STAG1: variants seen among roughly 807,000 people sequenced by gnomAD.
STAG1 encodes the protein cohesin subunit SA-1.
Under a neutral mutation model 170.9 loss-of-function variants are expected in STAG1, and 26 were observed. The ratio of observed to expected loss-of-function variants is 0.15; its 90% CI spans 0.11 to 0.21. The LOEUF is 0.21. STAG1 is among the 10% of genes least tolerant of loss of function. The pLI is 1.00. For missense variants in STAG1, 964 were observed against 1,509.5 expected (o/e 0.64, Z 5.99); for synonymous variants, 514 against 497.7 (o/e 1.03, Z -0.44).
intron 22 of STAG1, among the ~76,000 whole-genome samples, chr3:136,397,029 T>G (rs1241161139): frequency 6.6e-6 from 1 of 152,178 alleles, no homozygotes; most frequent in Non-Finnish European, 1.5e-5. Context: ...GAAAAAAAAT[T>G]CTTACTCTGA....
intron 7 of STAG1, among the ~76,000 whole-genome samples, chr3:136,515,104 C>T (rs111350455): frequency 5.3e-5 from 8 of 152,130 alleles, no homozygotes; most frequent in East Asian, 1.9e-4. Flanking sequence ...GTTGCTCAGG[C>T]CTGTAATCTC....
intron 14 of STAG1, among the ~76,000 whole-genome samples, chr3:136,449,657 A>C (rs1372034792): frequency 6.6e-6 from 1 of 152,172 alleles, no homozygotes; most frequent in Non-Finnish European, 1.5e-5. Context: ...CAAACACAGG[A>C]ATACAGTAAG....
In STAG1 at chr3:136,473,528, T is replaced by A; in HGVS notation, c.1125+11A>T. ...GAAAAATTAAATAAGCTTATCATTC[T>A]TGATGCTTACCTTGAATCGGTTAGT... On this transcript the variant is annotated intron_variant, in intron 11 of 33. Coordinates refer to ENST00000383202, the MANE Select transcript of STAG1 (RefSeq NM_005862.3). 6.3e-7 allele frequency: 1 copy of A among 1,576,802 alleles called. No individual in the cohort carries two copies. The highest frequency in any genetic ancestry group is 2.2e-5 in the East Asian group (1 of 44,566).
At chr3:136,485,769 G>A (rs911917017) in intron 9 of STAG1, among the ~76,000 whole-genome samples, 1 of 152,090 alleles carries the variant, frequency 6.6e-6, no homozygotes, top group Non-Finnish European at 1.5e-5. Flanking sequence ...ATATTATCCT[G>A]TAGGCCTCCT....
intron 16 of STAG1, among the ~76,000 whole-genome samples, chr3:136,432,289 A>G (rs1399100277): frequency 6.6e-6 from 1 of 152,034 alleles, no homozygotes; most frequent in Non-Finnish European, 1.5e-5. Context: ...TCTTGTTTTC[A>G]TATTTTCCTG....
chr3:136,665,548 G>A (rs1172614791), intron 1 of STAG1, among the ~76,000 whole-genome samples: 4 of 152,132 alleles, frequency 2.6e-5, no homozygotes, highest in Admixed American at 2.0e-4. Flanking sequence ...GGGAGGACGA[G>A]ACAGGCAGAT....
intron 21 of STAG1, among the ~76,000 whole-genome samples, chr3:136,416,604 G>C (rs1440039666): frequency 6.6e-6 from 1 of 152,154 alleles, no homozygotes; most frequent in Non-Finnish European, 1.5e-5. Context: ...TAGAAGCATG[G>C]CTTGAAAATA....
chr3:136,641,262 T>C (rs1186729138), intron 1 of STAG1, among the ~76,000 whole-genome samples: 1 of 152,194 alleles, frequency 6.6e-6, no homozygotes, highest in African/African-American at 2.4e-5. Context: ...GAATCAATAA[T>C]GAATACTAAT....
rs1167010949 is a variant in STAG1, at chr3:136,422,866, A to G, written c.1744-9T>C. 7 of 1,600,038 alleles carry G rather than the reference A, an allele frequency of 4.4e-6. No homozygotes were observed. Among genetic ancestry groups the G allele is most frequent in the Non-Finnish European group, 5.1e-6 (6 of 1,175,360 alleles). On this transcript the variant is annotated splice_polypyrimidine_tract_variant and intron_variant, in intron 17 of 33. Transcript: ENST00000383202. ...TCTGCATCTGCAGAATACTAGAAGG[A>G]GAAGCAAAGAAAAAGACAGTAACTA...
intron 1 of STAG1, chr3:136,737,137 A>T (rs1934386496): frequency 1.4e-5 from 11 of 801,200 alleles, no homozygotes; most frequent in Non-Finnish European, 2.5e-5. Flanking sequence ...GTTAGAACCA[A>T]GTCTCTCTTC....
intron 16 of STAG1, among the ~76,000 whole-genome samples, chr3:136,424,242 T>C (rs749487390): frequency 3.9e-5 from 6 of 152,054 alleles, no homozygotes; most frequent in East Asian, 3.9e-4. Context: ...ATTCAATACA[T>C]TGAAAAGTCT....
intron 6 of STAG1, among the ~76,000 whole-genome samples, chr3:136,524,593 C>T (rs1378928758): frequency 6.6e-6 from 1 of 152,148 alleles, no homozygotes; most frequent in Non-Finnish European, 1.5e-5. Context: ...TTATTTCTTT[C>T]TCCTGCCTGA....
At chr3:136,593,804 T>A (rs553936040) in intron 4 of STAG1, among the ~76,000 whole-genome samples, 1 of 152,228 alleles carries the variant, frequency 6.6e-6, no homozygotes, top group African/African-American at 2.4e-5. Flanking sequence ...TCTTGTATTA[T>A]ACACTCAAGT....
intron 4 of STAG1, among the ~76,000 whole-genome samples, chr3:136,571,258 GA>G (rs1937257594): frequency 6.6e-6 from 1 of 150,628 alleles, no homozygotes. Flanking sequence ...TGGTGCACAG[GA>G]ACCTGCATCA....
intron 1 of STAG1, among the ~76,000 whole-genome samples, chr3:136,711,209 A>G (rs950109475): frequency 6.6e-6 from 1 of 152,174 alleles, no homozygotes; most frequent in African/African-American, 2.4e-5. Flanking sequence ...CAACAGTATA[A>G]TCCCAACCAA....
At chr3:136,528,358 T>C (rs1935177650) in intron 6 of STAG1, among the ~76,000 whole-genome samples, 1 of 152,036 alleles carries the variant, frequency 6.6e-6, no homozygotes, top group Admixed American at 6.6e-5. Flanking sequence ...TGAGGCTCCG[T>C]GGGCATGGGA....
At chr3:136,469,877 A>G (rs1162752355) in intron 12 of STAG1, among the ~76,000 whole-genome samples, 3 of 152,226 alleles carry the variant, frequency 2.0e-5, no homozygotes, top group Non-Finnish European at 4.4e-5. Flanking sequence ...AAAAACAAGC[A>G]ATGGGGAAAG....
At chr3:136,351,812 G>A (rs1162159079) in intron 28 of STAG1, among the ~76,000 whole-genome samples, 2 of 152,130 alleles carry the variant, frequency 1.3e-5, no homozygotes, top group Non-Finnish European at 2.9e-5. Flanking sequence ...TAAATACCCT[G>A]AATTATGAAA....
At position 136,743,720 on chromosome 3, in the gene STAG1, G is replaced by A. The variant is rs113234975; in HGVS notation, c.-84+8475C>T. On this transcript the variant is annotated intron_variant, in intron 1 of 33. Coordinates refer to ENST00000383202, the MANE Select transcript of STAG1 (RefSeq NM_005862.3). ...CTATTTCAGTAAATACAGGGAACACGTCCCAACCTTTTTTATGAAGCCATC... is the reference window on the plus strand; with the variant it reads ...CTATTTCAGTAAATACAGGGAACACATCCCAACCTTTTTTATGAAGCCATC... Among the ~76,000 whole-genome samples, 521 of 152,136 alleles carry A rather than the reference G, an allele frequency of 3.4e-3. 2 individuals carry two copies. Among genetic ancestry groups the A allele is most frequent in the African/African-American group, 0.012 (486 of 41,496 alleles).
Sources: gnomAD v4.1 joint callset for allele counts (sites outside exome capture counted in the v4.1 genomes callset) on GRCh38, gnomAD v4.1.1 for gene constraint, MANE v1.5 for transcripts, NCBI Gene and HGNC (gene_info 2026-07-23, HGNC 2026-07-21) for gene names.